The following CBFA2T2 variants were observed in gnomAD, a reference collection of about 807,000 sequenced individuals.
CBFA2T2 encodes the protein CBFA2/RUNX1 partner transcriptional co-repressor 2, also known as protein CBFA2T2.
Under a neutral mutation model 62.2 loss-of-function variants are expected in CBFA2T2, and 11 were observed. The observed-to-expected ratio is 0.18, with a 90% CI of 0.11 to 0.29. The LOEUF (loss-of-function observed/expected upper bound fraction) is 0.29, where lower values mean the gene tolerates loss of function less well. CBFA2T2 is among the 10% of genes least tolerant of loss of function. The pLI, the probability that CBFA2T2 is intolerant of heterozygous loss-of-function variation, is 1.00. For missense variants in CBFA2T2, 592 were observed against 774.1 expected (o/e 0.76, Z 2.79); for synonymous variants, 295 against 287.5 (o/e 1.03, Z -0.27).
chr20:33,599,641 A>G (rs113472891), intron 1 of CBFA2T2, among the ~76,000 whole-genome samples: 21,685 of 151,260 alleles, frequency 0.14, 2,000 homozygotes, highest in East Asian at 0.39. Context: ...CTGTAGTGCA[A>G]TGAATGGCAT....
chr20:33,620,943 C>G (rs1279737719), intron 4 of CBFA2T2, among the ~76,000 whole-genome samples: 3 of 152,170 alleles, frequency 2.0e-5, no homozygotes, highest in Admixed American at 6.5e-5. Context: ...CATATTTCAC[C>G]ACATGTCCCA....
chr20:33,534,461 C>T (rs1290916055), intron 1 of CBFA2T2, among the ~76,000 whole-genome samples: 1 of 152,002 alleles, frequency 6.6e-6, no homozygotes, highest in Non-Finnish European at 1.5e-5. Flanking sequence ...TACAGGCACG[C>T]GCCACCACGC....
At position 33,598,882 on chromosome 20, in the gene CBFA2T2, C is replaced by T. The variant is rs952627646; in HGVS notation, c.35-8074C>T. Among the ~76,000 whole-genome samples the T allele has an allele frequency of 5.9e-5, 9 of 152,248 alleles. No homozygotes were observed. In the East Asian group the frequency reaches 1.7e-3, roughly 29 times the overall value. ...TTCAGCCGGTCCCTCCGTTTGGGGTCCCTGACTTCCCGCAGCAGTCTCACT... is the reference window on the plus strand; with the variant it reads ...TTCAGCCGGTCCCTCCGTTTGGGGTTCCTGACTTCCCGCAGCAGTCTCACT... On this transcript the variant is annotated intron_variant, in intron 1 of 10. Transcript: ENST00000342704.
chr20:33,624,236 TAAAAA>T (rs373462820), intron 5 of CBFA2T2, among the ~76,000 whole-genome samples: 1 of 70,032 alleles, frequency 1.4e-5, no homozygotes. Context: ...TTTTTAAAAG[TAAAAA>T]AAAAAAAAAA....
intron 6 of CBFA2T2, among the ~76,000 whole-genome samples, chr20:33,626,561 G>GCAAA (rs1260376142): frequency 6.6e-6 from 1 of 152,222 alleles, no homozygotes; most frequent in Non-Finnish European, 1.5e-5. Flanking sequence ...TTTGGACAGA[G>GCAAA]CGGTTTGTCA....
intron 1 of CBFA2T2, among the ~76,000 whole-genome samples, chr20:33,506,127 G>T (rs1475222112): frequency 6.6e-6 from 1 of 151,944 alleles, no homozygotes; most frequent in African/African-American, 2.4e-5. Context: ...AATAGAAGGG[G>T]CTGGGTATGG....
At chr20:33,594,962 A>G (rs2146930467) in intron 1 of CBFA2T2, among the ~76,000 whole-genome samples, 1 of 152,346 alleles carries the variant, frequency 6.6e-6, no homozygotes, top group Middle Eastern at 3.4e-3. Context: ...AGATAACTAT[A>G]TTATTCTAAA....
intron 1 of CBFA2T2, among the ~76,000 whole-genome samples, chr20:33,550,653 G>A (rs1304690295): frequency 2.8e-5 from 4 of 145,234 alleles, no homozygotes; most frequent in East Asian, 2.1e-4. Context: ...ATGGAGTTTC[G>A]CTGTTTTCGC....
At chr20:33,637,022 C>G (rs929479187) in intron 9 of CBFA2T2, among the ~76,000 whole-genome samples, 1 of 152,190 alleles carries the variant, frequency 6.6e-6, no homozygotes, top group Non-Finnish European at 1.5e-5. Context: ...TTCATTTTGC[C>G]TGATCTCTTC....
intron 1 of CBFA2T2, among the ~76,000 whole-genome samples, chr20:33,520,032 C>G (rs1248922835): frequency 6.6e-6 from 1 of 152,062 alleles, no homozygotes; most frequent in Non-Finnish European, 1.5e-5. Flanking sequence ...CTAATCCCAG[C>G]TACTCGGGAG....
intron 1 of CBFA2T2, among the ~76,000 whole-genome samples, chr20:33,600,182 GTTTTTTTTTTTTTTT>G (rs1183371343): frequency 1.3e-4 from 8 of 62,048 alleles, no homozygotes; most frequent in Non-Finnish European, 2.1e-4. Context: ...CTTTTGGAAA[GTTTTTTTTTTTTTTT>G]TTTTTTTTTT....
Position 33,625,103 on chromosome 20 carries a change from C to T in CBFA2T2, c.946+86C>T, listed in dbSNP as rs1447049177. On this transcript the variant is annotated intron_variant, in intron 6 of 10. Coordinates refer to ENST00000342704, the MANE Select transcript of CBFA2T2 (RefSeq NM_001032999.3). The stretch of plus-strand genomic sequence containing the variant: ...ATGATAAAGTCAAATAATATGATTG[C>T]TTTTTCCCACTGATTGGATAAAACA... The T allele has an allele frequency of 5.4e-6, 7 of 1,305,228 alleles. No homozygotes were observed. The Admixed American group carries it at 1.4e-4, about 26-fold the overall frequency. 80.9% of individuals were successfully genotyped at this position (1,305,228 alleles called of 1,614,324 possible).
intron 1 of CBFA2T2, among the ~76,000 whole-genome samples, chr20:33,598,918 G>T (rs1285401172): frequency 6.6e-6 from 1 of 152,192 alleles, no homozygotes; most frequent in African/African-American, 2.4e-5. Flanking sequence ...TCATTGCCCA[G>T]GCTGGTTTTC....
intron 1 of CBFA2T2, chr20:33,574,104 G>A (rs2013707146): frequency 1.3e-6 from 2 of 1,533,404 alleles, no homozygotes; most frequent in African/African-American, 2.8e-5. Context: ...TAGATATTAT[G>A]ATGAAGATTG....
chr20:33,570,459 G>A (rs1276204577), intron 1 of CBFA2T2, among the ~76,000 whole-genome samples: 1 of 152,178 alleles, frequency 6.6e-6, no homozygotes, highest in Admixed American at 6.5e-5. Context: ...CTGCTCCTTC[G>A]TTTTAAGCAG....
chr20:33,545,611 T>C (rs1358114706), intron 1 of CBFA2T2, among the ~76,000 whole-genome samples: 1 of 152,236 alleles, frequency 6.6e-6, no homozygotes, highest in Non-Finnish European at 1.5e-5. Context: ...CATGCCTGGC[T>C]AATTTTTTGT....
Position 33,492,924 on chromosome 20 carries a change from ATT to A in CBFA2T2, c.34+2631_34+2632del, listed in dbSNP as rs538301039. Among the ~76,000 whole-genome samples the A allele has an allele frequency of 4.0e-5, 6 of 150,722 alleles. No individual in the cohort carries two copies. The East Asian group carries it at 1.2e-3, about 29-fold the overall frequency. ...AGGTGCTCACCACCATGCCTGGCTAATTTTTTTTTGTATTTTTTGTAGAGACG... is the reference window on the plus strand; with the variant it reads ...AGGTGCTCACCACCATGCCTGGCTAATTTTTTTGTATTTTTTGTAGAGACG... On this transcript the variant is annotated intron_variant, in intron 1 of 10. Coordinates refer to ENST00000342704, the MANE Select transcript of CBFA2T2 (RefSeq NM_001032999.3).
chr20:33,529,135 C>T (rs1038862503), intron 1 of CBFA2T2, among the ~76,000 whole-genome samples: 4 of 152,084 alleles, frequency 2.6e-5, no homozygotes, highest in Admixed American at 1.3e-4. Flanking sequence ...ACGCCATTCT[C>T]CTGCCTCAGC....
chr20:33,587,514 C>G (rs558579607), intron 1 of CBFA2T2, among the ~76,000 whole-genome samples: 1 of 152,102 alleles, frequency 6.6e-6, no homozygotes, highest in African/African-American at 2.4e-5. Context: ...GATCCGCCCC[C>G]CTTGGCCTCC....
Sources: allele counts gnomAD v4.1 joint callset (sites outside exome capture counted in the v4.1 genomes callset), GRCh38; gene constraint gnomAD v4.1.1; transcripts MANE v1.5; gene names NCBI Gene and HGNC (gene_info 2026-07-23, HGNC 2026-07-21).